The following TIPARP variants were observed in gnomAD, a reference collection of about 807,000 sequenced individuals.
The protein encoded by TIPARP is protein mono-ADP-ribosyltransferase TIPARP.
TIPARP carries 12 observed loss-of-function variants against 56.5 expected under a neutral mutation model. The ratio of observed to expected loss-of-function variants is 0.21; its 90% CI spans 0.14 to 0.34. The LOEUF (loss-of-function observed/expected upper bound fraction) is 0.34. TIPARP is among the 10% of genes least tolerant of loss of function. TIPARP has a pLI of 1.00. For missense variants in TIPARP, 604 were observed against 781.6 expected (o/e 0.77, Z 2.71); for synonymous variants, 296 against 265.7 (o/e 1.11, Z -1.11).
rs750161818 is a variant in TIPARP at position 156,678,011 on chromosome 3, A to C, written c.314A>C (p.Asn105Thr). The change falls in exon 2 of 6, where the codon AAT becomes ACT. Residue 105 changes from asparagine to threonine, a missense_variant. By Grantham distance (65) the Asn-to-Thr change is moderately conservative. Coordinates refer to ENST00000295924, the MANE Select transcript of TIPARP (RefSeq NM_015508.5). Reference sequence around the variant, plus strand: ...AATTCATCATGCCCACCAGCAGAAAATAATATGTCTGTTCTGATTCCTGAT... The same window carrying C: ...AATTCATCATGCCCACCAGCAGAAACTAATATGTCTGTTCTGATTCCTGAT... ...EINSSCPPAE[N>T]NMSVLIPDRT... 1.2e-6 allele frequency: 2 copies of C among 1,614,146 alleles called. No individual in the cohort carries two copies. The highest frequency in any genetic ancestry group is 1.1e-5 in the South Asian group (1 of 91,086).
At chr3:156,689,207 T>G (rs1722507668) in intron 2 of TIPARP, among the ~76,000 whole-genome samples, 8 of 152,214 alleles carry the variant, frequency 5.3e-5, no homozygotes, top group Admixed American at 5.2e-4. Flanking sequence ...GCTGTACGTC[T>G]GGTAATTTGT....
At chr3:156,696,418 C>A (rs1722715889) in intron 4 of TIPARP, among the ~76,000 whole-genome samples, 1 of 152,144 alleles carries the variant, frequency 6.6e-6, no homozygotes, top group African/African-American at 2.4e-5. Context: ...GAGGAGAGTC[C>A]TACAAGGTGA....
rs67188281 is a variant in TIPARP, at chr3:156,702,019, C to CGGTGGTGGTGGT, written c.1248-1362_1248-1351dup. Among the ~76,000 whole-genome samples the CGGTGGTGGTGGT allele has an allele frequency of 7.6e-4, 75 of 98,660 alleles. 1 individual carries two copies. In the South Asian group the frequency reaches 0.014, roughly 19 times the overall value. The allele number at this position is 98,660 out of a possible 152,430, so 64.7% of individuals were successfully genotyped here. A position where few individuals can be genotyped will look rare whatever the true frequency, so the allele number is the denominator to read the frequency against. On this transcript the variant is annotated intron_variant, in intron 4 of 5. Transcript: ENST00000295924. ...AAAAGACTGTGTGTTGATGATAATGCGGTGGTGGTGGTGGTGGTGGTGGTG... is the reference window on the plus strand; with the variant it reads ...AAAAGACTGTGTGTTGATGATAATGCGGTGGTGGTGGTGGTGGTGGTGGTGGTGGTGGTGGTG...
rs535475431 is a variant in TIPARP at position 156,676,504 on chromosome 3, A to G, written c.-41-1153A>G. 9.2e-5 allele frequency among the ~76,000 whole-genome samples: 14 copies of G among 152,344 alleles called. No homozygotes were observed. The East Asian group carries it at 1.5e-3, about 17-fold the overall frequency. ...ATTTAATATGTGCTTTTCTTAACTA[A>G]TTCAGCCAACAAAATATATATGGAA... is the stretch of plus-strand genomic sequence containing the variant. On this transcript the variant is annotated intron_variant, in intron 1 of 5. Transcript: ENST00000295924.
chr3:156,694,001 T>G lies in TIPARP; in HGVS notation c.918-19T>G, dbSNP rs1169907315. ...TATTAACAGGTTTTTGGGTTTTTTT[T>G]GTTTTTGTTTTTTTTTAGAGGACAA... On this transcript the variant is annotated intron_variant, in intron 2 of 5. Transcript: ENST00000295924. 1 of 1,571,238 alleles carries G rather than the reference T, an allele frequency of 6.4e-7. No homozygotes were observed. Among genetic ancestry groups the G allele is most frequent in the East Asian group, 2.3e-5 (1 of 44,398 alleles).
chr3:156,681,178 G>A (rs759513024), intron 2 of TIPARP: 1 of 456,608 alleles, frequency 2.2e-6, no homozygotes, highest in Non-Finnish European at 4.4e-6. Context: ...CAAACAAGCT[G>A]GAGCAGCCCA....
At chr3:156,699,337 A>C (rs548699609) in intron 4 of TIPARP, among the ~76,000 whole-genome samples, 1 of 152,322 alleles carries the variant, frequency 6.6e-6, no homozygotes, top group African/African-American at 2.4e-5. Flanking sequence ...AGGGTCAATT[A>C]ATGTGGCAAA....
intron 2 of TIPARP, among the ~76,000 whole-genome samples, chr3:156,684,583 G>A (rs951542152): frequency 3.9e-5 from 6 of 152,152 alleles, no homozygotes; most frequent in South Asian, 4.2e-4. Flanking sequence ...ACAGGCATGC[G>A]CCACCATGCC....
In TIPARP at chr3:156,704,702, C is replaced by T. The variant is rs755019476; in HGVS notation, c.1545C>T (p.Asn515=). Residue 515 remains asparagine, a synonymous_variant, in exon 6 of 6, where the codon AAC becomes AAT. Coordinates refer to ENST00000295924, the MANE Select transcript of TIPARP (RefSeq NM_015508.5). ...EKYKRKKEYM[N]RKMFGRDRII... ...CCATTAGGAAAAAGGAATATATGAA[C>T]AGGAAAATGTTTGGCCGTGACAGGA... The T allele has an allele frequency of 1.9e-6, 3 of 1,613,040 alleles. No individual in the cohort carries two copies. In the African/African-American group the frequency reaches 4.0e-5, roughly 22 times the overall value.
At chr3:156,683,737 G>A (rs1375552932) in intron 2 of TIPARP, among the ~76,000 whole-genome samples, 1 of 152,120 alleles carries the variant, frequency 6.6e-6, no homozygotes, top group African/African-American at 2.4e-5. Context: ...TTCTAATCAT[G>A]GTCAGTGATC....
intron 5 of TIPARP, among the ~76,000 whole-genome samples, chr3:156,704,249 T>C (rs778504843): frequency 5.9e-5 from 9 of 152,188 alleles, no homozygotes; most frequent in African/African-American, 1.9e-4. Flanking sequence ...TATTATGATA[T>C]GGTGCTGGAA....
At chr3:156,681,468 G>T (rs953974734) in intron 2 of TIPARP, among the ~76,000 whole-genome samples, 2 of 152,064 alleles carry the variant, frequency 1.3e-5, no homozygotes, top group African/African-American at 2.4e-5. Context: ...TCATAGTTCT[G>T]GGTCTCTAGC....
chr3:156,703,882 G>A (rs1427564635), intron 5 of TIPARP, among the ~76,000 whole-genome samples, 180 bp downstream of exon 5: 2 of 151,898 alleles, frequency 1.3e-5, no homozygotes, highest in Admixed American at 6.6e-5. Context: ...GCGTGGTGGC[G>A]GGCACCTGTA....
rs550740325 is a variant in TIPARP at position 156,688,627 on chromosome 3, GTT to G, written c.918-5390_918-5389del. 1.1e-3 allele frequency among the ~76,000 whole-genome samples: 173 copies of G among 152,152 alleles called. No homozygotes were observed. The Middle Eastern group carries it at 0.017, about 15-fold the overall frequency. On this transcript the variant is annotated intron_variant, in intron 2 of 5. Transcript: ENST00000295924. ...TTTTCTGAAGTTTAATAACTACACT[GTT>G]TTCACAAAATGTGTTGGTATTGTGT...
chr3:156,704,489 GAT>G (rs1333388624), intron 5 of TIPARP, among the ~76,000 whole-genome samples, 193 bp from the exon 6 acceptor site: 3 of 152,232 alleles, frequency 2.0e-5, no homozygotes, highest in Non-Finnish European at 4.4e-5. Flanking sequence ...GCAAGTGAAT[GAT>G]TGGTGGAGAA....
chr3:156,695,842 T>TTTTGTTTTGTTTTTTCCTCCA, intron 3 of TIPARP, 23 bp from the exon 4 acceptor site: 1 of 1,396,938 alleles, frequency 7.2e-7, no homozygotes, highest in Non-Finnish European at 9.3e-7. Context: ...TTTTTTTTTT[T>TTTTGTTTTGTTTTTTCCTCCA]TGTTCTGTTT....
At chr3:156,697,932 T>A (rs913983426) in intron 4 of TIPARP, among the ~76,000 whole-genome samples, 2 of 152,184 alleles carry the variant, frequency 1.3e-5, no homozygotes, top group Non-Finnish European at 2.9e-5. Flanking sequence ...GCCTTAACAT[T>A]AGCCAAGTTG....
chr3:156,705,265 C>A lies in TIPARP; in HGVS notation c.*134C>A. The A allele has an allele frequency of 1.7e-6, 1 of 598,404 alleles. No homozygotes were observed. The highest frequency in any genetic ancestry group is 2.8e-6 in the Non-Finnish European group (1 of 360,608). 37.1% of individuals were successfully genotyped at this position (598,404 alleles called of 1,614,324 possible). A position where few individuals can be genotyped will look rare whatever the true frequency, so the allele number is the denominator to read the frequency against. On this transcript the variant is annotated 3_prime_UTR_variant, in exon 6 of 6. Coordinates refer to ENST00000295924, the MANE Select transcript of TIPARP (RefSeq NM_015508.5). ...CTTTTCAGACCCATTTTTTAAAGTG[C>A]TAGAAAATGCTTTTTTTAAAAAAAA... is the stretch of plus-strand genomic sequence containing the variant.
chr3:156,683,870 C>T (rs1722363725), intron 2 of TIPARP, among the ~76,000 whole-genome samples: 1 of 152,066 alleles, frequency 6.6e-6, no homozygotes. Context: ...GACTTTTTTC[C>T]CATGGTCTCT....
Sources: gnomAD v4.1 joint callset for allele counts (sites outside exome capture counted in the v4.1 genomes callset) on GRCh38, gnomAD v4.1.1 for gene constraint, MANE v1.5 for transcripts, NCBI Gene and HGNC (gene_info 2026-07-23, HGNC 2026-07-21) for gene names.